MARCHF2: variants seen among roughly 807,000 people sequenced by gnomAD.
The protein encoded by MARCHF2 is membrane associated ring-CH-type finger 2.
In MARCHF2, 22 loss-of-function variants were observed where a neutral mutation model predicts 24.0. The observed-to-expected ratio is 0.92, with a 90% CI of 0.66 to 1.31. MARCHF2 has a LOEUF of 1.31. Ranked by LOEUF, MARCHF2 falls within the 50% of genes most tolerant of loss-of-function variation. MARCHF2 has a pLI of 0.00. For synonymous variants in MARCHF2, 154 were observed against 153.0 expected (o/e 1.01, Z -0.05); for missense variants, 301 against 335.3 (o/e 0.90, Z 0.80).
At chr19:8,420,938 C>T (rs924237155) in intron 1 of MARCHF2, among the ~76,000 whole-genome samples, 2 of 152,042 alleles carry the variant, frequency 1.3e-5, no homozygotes, top group African/African-American at 4.8e-5. Context: ...GCTGGGATTA[C>T]AGGTGTGAGC....
chr19:8,430,922 A>T lies in MARCHF2; in HGVS notation c.582+55A>T, dbSNP rs1967566254. On this transcript the variant is annotated intron_variant, in intron 4 of 4. Transcript: ENST00000215555. The surrounding 1 kb of genome is among the most constrained non-coding windows in gnomAD (Gnocchi z 4.4). ...CTCGAGCTCTGCCGCTGGGAGCAGC[A>T]GGGCCAAGGATTTGGCCCCTGGCTT... The T allele has an allele frequency of 6.6e-7, 1 of 1,506,340 alleles. No individual in the cohort carries two copies. Among genetic ancestry groups the T allele is most frequent in the East Asian group, 2.5e-5 (1 of 40,520 alleles). The allele number at this position is 1,506,340 out of a possible 1,614,324, so 93.3% of individuals were successfully genotyped here.
chr19:8,424,757 C>G (rs1372050042), intron 2 of MARCHF2, among the ~76,000 whole-genome samples: 1 of 152,126 alleles, frequency 6.6e-6, no homozygotes, highest in East Asian at 1.9e-4. Context: ...ACAGACTAGG[C>G]AGCTGCAGGA....
intron 4 of MARCHF2, among the ~76,000 whole-genome samples, chr19:8,434,147 C>T (rs565588268): frequency 7.0e-6 from 1 of 143,552 alleles, no homozygotes; most frequent in African/African-American, 2.5e-5. Flanking sequence ...TGCAGTGGCA[C>T]AATGTTGGCT....
intron 1 of MARCHF2, among the ~76,000 whole-genome samples, chr19:8,417,824 G>T (rs985433193): frequency 1.7e-4 from 24 of 137,208 alleles, no homozygotes; most frequent in African/African-American, 6.7e-4. Context: ...GTGCAATGGT[G>T]CGATCTCGGC....
chr19:8,431,173 G>A (rs1363455138), intron 4 of MARCHF2, among the ~76,000 whole-genome samples: 3 of 152,090 alleles, frequency 2.0e-5, no homozygotes, highest in Admixed American at 2.0e-4. Context: ...AGAGATCGGG[G>A]GAGAACAAGA....
chr19:8,424,345 C>T (rs2145550837), intron 2 of MARCHF2, among the ~76,000 whole-genome samples: 1 of 151,944 alleles, frequency 6.6e-6, no homozygotes, highest in South Asian at 2.1e-4. Flanking sequence ...TGATTAGATC[C>T]AGGGGCCCGC....
chr19:8,431,815 G>A (rs916124044), intron 4 of MARCHF2, among the ~76,000 whole-genome samples: 2 of 152,100 alleles, frequency 1.3e-5, no homozygotes, highest in Admixed American at 6.6e-5. Flanking sequence ...TCCAGCCTGG[G>A]CGACAAGAGC....
intron 1 of MARCHF2, among the ~76,000 whole-genome samples, chr19:8,415,428 A>G (rs1433503076): frequency 5.4e-5 from 8 of 149,382 alleles, no homozygotes; most frequent in African/African-American, 2.5e-5. Context: ...AAAAGAAAGA[A>G]AAGAAATAGG....
At chr19:8,434,759 T>A (rs1967669310) in intron 4 of MARCHF2, among the ~76,000 whole-genome samples, 1 of 152,100 alleles carries the variant, frequency 6.6e-6, no homozygotes, top group Non-Finnish European at 1.5e-5. Flanking sequence ...CAGGCCAGAG[T>A]GCAATGGTGC....
intron 2 of MARCHF2, among the ~76,000 whole-genome samples, chr19:8,423,985 CAAAAAAAAA>C (rs142383974): frequency 5.7e-5 from 6 of 104,934 alleles, no homozygotes; most frequent in Non-Finnish European, 1.1e-4. Context: ...CTGGGTGACT[CAAAAAAAAA>C]AAAAAAAAAG....
At chr19:8,438,357 G>A in intron 4 of MARCHF2, 31 bp from the exon 5 acceptor site, 4 of 1,609,022 alleles carry the variant, frequency 2.5e-6, no homozygotes, top group Non-Finnish European at 3.4e-6. Context: ...TGCGGGTGGA[G>A]GCCTCCGCTC....
intron 2 of MARCHF2, among the ~76,000 whole-genome samples, chr19:8,424,898 C>T (rs917343275): frequency 3.9e-5 from 6 of 151,982 alleles, no homozygotes; most frequent in African/African-American, 7.2e-5. Context: ...AGCAGGGGTG[C>T]GTGCTGTTCT....
At chr19:8,416,509 AATAAGT>A (rs1967091601) in intron 1 of MARCHF2, among the ~76,000 whole-genome samples, 1 of 152,090 alleles carries the variant, frequency 6.6e-6, no homozygotes, top group Non-Finnish European at 1.5e-5. Flanking sequence ...TACGTAGGTG[AATAAGT>A]AGAATGTTTC....
intron 4 of MARCHF2, among the ~76,000 whole-genome samples, chr19:8,435,603 A>C (rs1484517683): frequency 6.6e-6 from 1 of 151,932 alleles, no homozygotes; most frequent in East Asian, 1.9e-4. Flanking sequence ...CAGTGGTGTG[A>C]TCTCCGCTCA....
chr19:8,429,174 C>T (rs552364821), intron 3 of MARCHF2, among the ~76,000 whole-genome samples: 1 of 148,894 alleles, frequency 6.7e-6, no homozygotes, highest in African/African-American at 2.6e-5. Context: ...CCATTCTTCA[C>T]GTGGTTCCTT....
At chr19:8,437,725 G>A (rs1174123554) in intron 4 of MARCHF2, among the ~76,000 whole-genome samples, 1 of 145,720 alleles carries the variant, frequency 6.9e-6, no homozygotes, top group East Asian at 2.1e-4. Flanking sequence ...GCACGTTTTG[G>A]CAATTATGTG....
Position 8,430,598 on chromosome 19 carries a change from T to C in MARCHF2, c.373-60T>C, listed in dbSNP as rs1599713576. The C allele has an allele frequency of 7.5e-7, 1 of 1,338,210 alleles. No homozygotes were observed. Among genetic ancestry groups the C allele is most frequent in the Non-Finnish European group, 1.1e-6 (1 of 947,392 alleles). 82.9% of individuals were successfully genotyped at this position (1,338,210 alleles called of 1,614,324 possible). ...GCCTAGGCCTGGAGGTCCTTACCCCTCCCCCTCAGTAGCCCCTTCTCTGCC... is the reference window on the plus strand; with the variant it reads ...GCCTAGGCCTGGAGGTCCTTACCCCCCCCCCTCAGTAGCCCCTTCTCTGCC... On this transcript the variant is annotated intron_variant, in intron 3 of 4. Transcript: ENST00000215555. This position sits in a 1 kb window ranked among gnomAD's most constrained non-coding sequence, Gnocchi z 4.4.
In MARCHF2 at chr19:8,413,317, C is replaced by CGGCCGGAGCGGAGCTAGTGGCGCCGACG. The variant is rs1966996181; in HGVS notation, c.-149_-122dup. On this transcript the variant is annotated 5_prime_UTR_variant, in exon 1 of 5. Coordinates refer to ENST00000215555, the MANE Select transcript of MARCHF2 (RefSeq NM_001005415.2). ...GCGGGCGGTGCCCGGACGCAGGTGC[C>CGGCCGGAGCGGAGCTAGTGGCGCCGACG]GGCCGGAGCGGAGCTAGTGGCGCCG... 2.6e-5 allele frequency: 4 copies of CGGCCGGAGCGGAGCTAGTGGCGCCGACG among 151,796 alleles called. No homozygotes were observed. Among genetic ancestry groups the CGGCCGGAGCGGAGCTAGTGGCGCCGACG allele is most frequent in the African/African-American group, 9.7e-5 (4 of 41,358 alleles). 9.4% of individuals were successfully genotyped at this position (151,796 alleles called of 1,614,324 possible).
chr19:8,420,620 G>A (rs1239629357), intron 1 of MARCHF2, among the ~76,000 whole-genome samples: 1 of 151,908 alleles, frequency 6.6e-6, no homozygotes, highest in Non-Finnish European at 1.5e-5. Flanking sequence ...GGCCCTGGAG[G>A]CTTTGAGGGT....
Sources: gnomAD v4.1 joint callset for allele counts (sites outside exome capture counted in the v4.1 genomes callset) on GRCh38, gnomAD v4.1.1 for gene constraint, Gnocchi (gnomAD v3.1) non-coding constraint, MANE v1.5 for transcripts, NCBI Gene and HGNC (gene_info 2026-07-23, HGNC 2026-07-21) for gene names.